Variants in EDIL3 observed in about 807,000 individuals in gnomAD.
EDIL3 encodes EGF like and discoidin domains 3.
A neutral mutation model predicts 67.4 loss-of-function variants in EDIL3; 37 were observed. The observed-to-expected ratio is 0.55, with a 90% CI of 0.42 to 0.72. The LOEUF is 0.72. Among genes scored for constraint, EDIL3 ranks in the 30% least tolerant of loss-of-function variants. EDIL3 has a pLI of 0.00. For missense variants in EDIL3, 527 were observed against 586.3 expected (o/e 0.90, Z 1.04); for synonymous variants, 195 against 196.3 (o/e 0.99, Z 0.05).
chr5:84,107,896 A>C (rs1747491702), intron 5 of EDIL3, among the ~76,000 whole-genome samples: 1 of 151,012 alleles, frequency 6.6e-6, no homozygotes, highest in Admixed American at 6.6e-5. Context: ...TTTCATTAAC[A>C]TTTCATATAC....
chr5:83,967,364 C>A (rs1477131699), intron 9 of EDIL3, among the ~76,000 whole-genome samples: 1 of 151,992 alleles, frequency 6.6e-6, no homozygotes, highest in Non-Finnish European at 1.5e-5. Flanking sequence ...ATATATTATG[C>A]ATCTCTATTT....
At chr5:84,014,012 T>G (rs975619413) in intron 9 of EDIL3, among the ~76,000 whole-genome samples, 1 of 152,210 alleles carries the variant, frequency 6.6e-6, no homozygotes, top group African/African-American at 2.4e-5. Context: ...ATATCATGTT[T>G]GACTTTCCAA....
intron 4 of EDIL3, 23 bp downstream of exon 4, chr5:84,180,370 T>C (rs1169314079): frequency 2.6e-6 from 4 of 1,564,786 alleles, no homozygotes; most frequent in East Asian, 2.3e-5. Context: ...ATAATAAAAG[T>C]ACAATGACTA....
chr5:84,225,594 A>G (rs565716620), intron 3 of EDIL3, among the ~76,000 whole-genome samples: 107 of 151,712 alleles, frequency 7.1e-4, no homozygotes, highest in African/African-American at 2.6e-3. Context: ...GTAAAACACT[A>G]TCTAATGTCT....
intron 9 of EDIL3, among the ~76,000 whole-genome samples, chr5:84,027,168 G>A (rs1745830535): frequency 6.6e-6 from 1 of 152,184 alleles, no homozygotes; most frequent in South Asian, 2.1e-4. Context: ...GCTCAAGCTA[G>A]ATTACATTAG....
intron 9 of EDIL3, among the ~76,000 whole-genome samples, chr5:83,985,122 A>AAT (rs1745037653): frequency 2.0e-5 from 3 of 151,976 alleles, no homozygotes; most frequent in Non-Finnish European, 4.4e-5. Flanking sequence ...AATGGAGAAG[A>AAT]CTTTTTCTGC....
chr5:84,232,535 C>T (rs1361664359), intron 2 of EDIL3, among the ~76,000 whole-genome samples: 3 of 152,088 alleles, frequency 2.0e-5, no homozygotes, highest in Non-Finnish European at 4.4e-5. Flanking sequence ...TAATCAGAAC[C>T]TTTGAAAAAG....
intron 3 of EDIL3, among the ~76,000 whole-genome samples, chr5:84,195,222 G>A (rs551165843): frequency 6.6e-6 from 1 of 151,952 alleles, no homozygotes; most frequent in African/African-American, 2.4e-5. Flanking sequence ...AAGCCCATTA[G>A]TGTACAGAGA....
intron 9 of EDIL3, among the ~76,000 whole-genome samples, chr5:83,974,420 C>A (rs556502610): frequency 2.0e-5 from 3 of 151,640 alleles, no homozygotes; most frequent in Non-Finnish European, 4.4e-5. Context: ...GAATTGCCTG[C>A]GGATTCTGGG....
chr5:84,166,689 G>A (rs183685726), intron 4 of EDIL3, among the ~76,000 whole-genome samples: 3 of 152,218 alleles, frequency 2.0e-5, no homozygotes, highest in Admixed American at 6.6e-5. Flanking sequence ...GTAAAAGAGA[G>A]GAACAGCAAA....
intron 9 of EDIL3, among the ~76,000 whole-genome samples, chr5:84,022,415 C>A (rs1745734225): frequency 6.6e-6 from 1 of 151,814 alleles, no homozygotes; most frequent in Non-Finnish European, 1.5e-5. Context: ...AAGACCATAC[C>A]TTGAAATAGT....
At chr5:84,044,139 T>C (rs1285812898) in intron 9 of EDIL3, among the ~76,000 whole-genome samples, 1 of 152,112 alleles carries the variant, frequency 6.6e-6, no homozygotes, top group Admixed American at 6.6e-5. Flanking sequence ...ATCCCACTTA[T>C]GAGTGAGAAT....
At chr5:84,182,287 A>G (rs1749027227) in intron 3 of EDIL3, among the ~76,000 whole-genome samples, 1 of 150,966 alleles carries the variant, frequency 6.6e-6, no homozygotes, top group African/African-American at 2.4e-5. Context: ...ACACACACAC[A>G]CACACACACA....
chr5:84,183,629 T>A (rs1749052479), intron 3 of EDIL3, among the ~76,000 whole-genome samples: 1 of 152,172 alleles, frequency 6.6e-6, no homozygotes, highest in South Asian at 2.1e-4. Context: ...TAAGGACTTG[T>A]TCCTAGGAGG....
chr5:84,033,880 C>T (rs1009539505), intron 9 of EDIL3, among the ~76,000 whole-genome samples: 3 of 151,846 alleles, frequency 2.0e-5, no homozygotes, highest in African/African-American at 2.4e-5. Context: ...TTGTATGTGA[C>T]GTTACACTTT....
At chr5:84,271,218 A>T (rs1241141456) in intron 1 of EDIL3, among the ~76,000 whole-genome samples, 3 of 151,942 alleles carry the variant, frequency 2.0e-5, no homozygotes, top group Admixed American at 2.0e-4. Flanking sequence ...TAAAGGAGAG[A>T]CCTGGCTAAC....
intron 1 of EDIL3, among the ~76,000 whole-genome samples, chr5:84,259,269 T>C (rs1429759035): frequency 6.6e-6 from 1 of 152,136 alleles, no homozygotes; most frequent in Non-Finnish European, 1.5e-5. Flanking sequence ...TGGTAAAGTC[T>C]TTTAAAACTG....
At chr5:84,249,692 T>C (rs1467363017) in intron 2 of EDIL3, among the ~76,000 whole-genome samples, 2 of 152,206 alleles carry the variant, frequency 1.3e-5, no homozygotes, top group Non-Finnish European at 2.9e-5. Flanking sequence ...TAAAAGTTTA[T>C]ACTTTTTACT....
At chr5:84,364,925 T>C (rs1045280463) in intron 1 of EDIL3, among the ~76,000 whole-genome samples, 3 of 152,026 alleles carry the variant, frequency 2.0e-5, no homozygotes, top group African/African-American at 7.2e-5. Flanking sequence ...TGGGAAACCA[T>C]AGAGTGTTAT....
Sources: allele counts gnomAD v4.1 joint callset (sites outside exome capture counted in the v4.1 genomes callset), GRCh38; gene constraint gnomAD v4.1.1; transcripts MANE v1.5; gene names NCBI Gene and HGNC (gene_info 2026-07-23, HGNC 2026-07-21).